The following WASL variants were observed in gnomAD, a reference collection of about 807,000 sequenced individuals.
WASL encodes the protein actin nucleation-promoting factor WASL.
A neutral mutation model predicts 55.5 loss-of-function variants in WASL; 20 were observed. That is an observed-to-expected ratio of 0.36 (90% CI 0.25 to 0.52). WASL has a LOEUF of 0.52. WASL is among the 20% of genes least tolerant of loss of function. WASL has a pLI of 0.92. For synonymous variants in WASL, 249 were observed against 217.6 expected, an observed-to-expected ratio of 1.14 and a Z score of -1.27; for missense variants, 504 against 622.5, an observed-to-expected ratio of 0.81 and a Z score of 2.03.
At chr7:123,726,659 G>A (rs1294433327) in intron 1 of WASL, among the ~76,000 whole-genome samples, 1 of 152,220 alleles carries the variant, frequency 6.6e-6, no homozygotes, top group Admixed American at 6.5e-5. Context: ...GAGGTCAGGA[G>A]TTCAAGACCA....
chr7:123,727,483 C>T (rs1410681501), intron 1 of WASL, among the ~76,000 whole-genome samples: 1 of 151,850 alleles, frequency 6.6e-6, no homozygotes, highest in Non-Finnish European at 1.5e-5. Context: ...GTGGTAAATT[C>T]ATGGTAAACA....
chr7:123,745,357 A>G (rs1804414222), intron 1 of WASL, among the ~76,000 whole-genome samples: 1 of 152,066 alleles, frequency 6.6e-6, no homozygotes, highest in Admixed American at 6.5e-5. Flanking sequence ...TCTAAGTCAA[A>G]TATGATCTTG....
chr7:123,696,769 A>G, intron 5 of WASL, 22 bp from the exon 6 acceptor site: 1 of 1,446,190 alleles, frequency 6.9e-7, no homozygotes. Flanking sequence ...ACCAAATTAT[A>G]TAAAAGGGAT....
chr7:123,721,935 T>C (rs1803954950), intron 1 of WASL, among the ~76,000 whole-genome samples: 1 of 152,162 alleles, frequency 6.6e-6, no homozygotes. Flanking sequence ...TGATTTCACT[T>C]TGAGTCCACA....
intron 1 of WASL, among the ~76,000 whole-genome samples, chr7:123,719,064 T>C (rs772949947): frequency 3.7e-4 from 56 of 152,328 alleles, no homozygotes; most frequent in Non-Finnish European, 6.5e-4. Context: ...AAAACTCTAC[T>C]TGTCACATCA....
At position 123,744,842 on chromosome 7, in the gene WASL, T is replaced by G. The variant is rs567868517; in HGVS notation, c.117+3776A>C. Among the ~76,000 whole-genome samples the G allele has an allele frequency of 3.0e-4, 45 of 152,312 alleles. 1 individual carries two copies. In the South Asian group the frequency reaches 8.9e-3, roughly 30 times the overall value. ...TACAAAATAAGACCTAGTAATCTTG[T>G]TTATAACCTTCTCATTCTCCCTTCA... On this transcript the variant is annotated intron_variant, in intron 1 of 10. Coordinates refer to ENST00000223023, the MANE Select transcript of WASL (RefSeq NM_003941.4).
At chr7:123,745,749 A>AT (rs1381130931) in intron 1 of WASL, among the ~76,000 whole-genome samples, 1 of 152,046 alleles carries the variant, frequency 6.6e-6, no homozygotes, top group Non-Finnish European at 1.5e-5. Context: ...ATTCCAATTC[A>AT]TACCTAAATC....
chr7:123,747,354 A>G (rs1235395898), intron 1 of WASL, among the ~76,000 whole-genome samples: 1 of 152,194 alleles, frequency 6.6e-6, no homozygotes, highest in African/African-American at 2.4e-5. Context: ...CCTTCTAATC[A>G]GGAAACTCAA....
intron 1 of WASL, among the ~76,000 whole-genome samples, chr7:123,743,403 T>C (rs1308430020): frequency 6.6e-6 from 1 of 151,526 alleles, no homozygotes; most frequent in Non-Finnish European, 1.5e-5. Flanking sequence ...TGGACTAAAA[T>C]TCAGGAACTC....
At chr7:123,695,309 C>A (rs1584857426) in intron 7 of WASL, among the ~76,000 whole-genome samples, 2 of 152,232 alleles carry the variant, frequency 1.3e-5, no homozygotes, top group African/African-American at 4.8e-5. Context: ...GTAGCTATAA[C>A]AAAAATAACT....
At position 123,748,655 on chromosome 7, in the gene WASL, T is replaced by C; in HGVS notation, c.80A>G (p.Asn27Ser). 1 of 1,613,256 alleles carries C rather than the reference T, an allele frequency of 6.2e-7. No individual in the cohort carries two copies. The highest frequency in any genetic ancestry group is 8.5e-7 in the Non-Finnish European group (1 of 1,179,640). ...GCCGAGGAAAGTGAAGAGGGACTCG[T>C]TCTCCTGCGGGGTGAGCAACAGGGA... ...VGSLLLTPQE[N>S]ESLFTFLGKK... Residue 27 changes from asparagine (N) to serine (S), a missense_variant, in exon 1 of 11, where the codon AAC (asparagine) becomes AGC (serine). Physicochemically the swap from Asn to Ser is conservative, Grantham distance 46 (BLOSUM62 1). Around this residue, in one of 5 missense-constraint regions of WASL, gnomAD observed 230 missense variants for 271.9 expected, o/e 0.85. Coordinates refer to ENST00000223023, the MANE Select transcript of WASL (RefSeq NM_003941.4).
At chr7:123,737,784 T>A (rs894396290) in intron 1 of WASL, among the ~76,000 whole-genome samples, 1 of 152,108 alleles carries the variant, frequency 6.6e-6, no homozygotes, top group Non-Finnish European at 1.5e-5. Flanking sequence ...CAGAAAAATG[T>A]GAGCAAATAT....
chr7:123,696,506 A>C, intron 6 of WASL, 73 bp downstream of exon 6: 1 of 1,391,392 alleles, frequency 7.2e-7, no homozygotes, highest in Non-Finnish European at 9.4e-7. Flanking sequence ...AAAATTTTCT[A>C]ACAAGTTAAA....
chr7:123,694,907 C>T (rs1803467972), intron 7 of WASL, 39 bp from the exon 8 acceptor site: 1 of 1,564,170 alleles, frequency 6.4e-7, no homozygotes, highest in East Asian at 2.3e-5. Context: ...AAAATATATC[C>T]CAATTTAAAA....
At chr7:123,746,874 G>A (rs1371749960) in intron 1 of WASL, among the ~76,000 whole-genome samples, 1 of 152,146 alleles carries the variant, frequency 6.6e-6, no homozygotes, top group Non-Finnish European at 1.5e-5. Flanking sequence ...AATGTGTCTG[G>A]TATGTAGAAC....
At chr7:123,697,564 C>G (rs1053233909) in intron 5 of WASL, among the ~76,000 whole-genome samples, 1 of 152,168 alleles carries the variant, frequency 6.6e-6, no homozygotes, top group South Asian at 2.1e-4. Flanking sequence ...CTCAGAGATC[C>G]TATTTTTATA....
At chr7:123,694,920 C>T (rs761436529) in intron 7 of WASL, 52 bp from the exon 8 acceptor site, 2 of 1,551,378 alleles carry the variant, frequency 1.3e-6, no homozygotes, top group Non-Finnish European at 8.7e-7. Flanking sequence ...ATTTAAAAAA[C>T]ATAATTTTAA....
At chr7:123,736,627 T>G (rs1450916808) in intron 1 of WASL, among the ~76,000 whole-genome samples, 2 of 152,218 alleles carry the variant, frequency 1.3e-5, no homozygotes, top group African/African-American at 2.4e-5. Context: ...GAAACACCAT[T>G]ATGTGATACA....
At chr7:123,729,115 A>G (rs537047770) in intron 1 of WASL, among the ~76,000 whole-genome samples, 21 of 152,308 alleles carry the variant, frequency 1.4e-4, no homozygotes, top group South Asian at 6.2e-4. Context: ...TGGAAATATA[A>G]TGCAAGCCAA....
Sources: allele counts gnomAD v4.1 joint callset (sites outside exome capture counted in the v4.1 genomes callset), GRCh38; gene constraint gnomAD v4.1.1; regional missense constraint gnomAD v4.1.1; transcripts MANE v1.5; gene names NCBI Gene and HGNC (gene_info 2026-07-23, HGNC 2026-07-21).